LRRC56: variants seen among roughly 807,000 people sequenced by gnomAD.
LRRC56 encodes the protein leucine-rich repeat-containing protein 56.
In LRRC56, 41 loss-of-function variants were observed where a neutral mutation model predicts 47.8. That is an observed-to-expected ratio of 0.86 (90% CI 0.67 to 1.11). The LOEUF is 1.11. LRRC56 is among the 50% of genes most tolerant of loss of function. The probability of loss-of-function intolerance (pLI) is 0.00; values close to 1 mark genes in which losing one functional copy is unlikely to be tolerated. For synonymous variants in LRRC56, 387 were observed against 311.2 expected (o/e 1.24, Z -2.56); for missense variants, 759 against 704.2 (o/e 1.08, Z -0.88).
chr11:526,713 G>A, the LRRC56 span, among the ~76,000 whole-genome samples: 1 of 152,076 alleles, frequency 6.6e-6, no homozygotes, highest in Non-Finnish European at 1.5e-5. Flanking sequence ...CAGGTGGGTG[G>A]ATCACCTGAG....
At chr11:547,350 A>G (rs1852139229) in intron 6 of LRRC56, among the ~76,000 whole-genome samples, 1 of 150,566 alleles carries the variant, frequency 6.6e-6, no homozygotes, top group African/African-American at 2.4e-5. Flanking sequence ...AGCCTCTATT[A>G]TTTTGTGTTT....
At chr11:546,799 T>C (rs1297140444) in intron 6 of LRRC56, among the ~76,000 whole-genome samples, 1 of 151,616 alleles carries the variant, frequency 6.6e-6, no homozygotes, top group African/African-American at 2.4e-5. Context: ...ACACCTGTAA[T>C]CCCAACACTT....
At chr11:534,895 C>T (rs375973568), upstream of LRRC56, among the ~76,000 whole-genome samples, 1 of 152,220 alleles carries the variant, frequency 6.6e-6, no homozygotes, top group African/African-American at 2.4e-5. Flanking sequence ...CGGCGGGGAA[C>T]CGGGGGCATC....
At chr11:517,572 G>A in the LRRC56 span, among the ~76,000 whole-genome samples, 1 of 151,772 alleles carries the variant, frequency 6.6e-6, no homozygotes, top group Non-Finnish European at 1.5e-5. Flanking sequence ...CGTCCCATCT[G>A]GGGGGTGAGG....
chr11:540,342 C>G (rs1196218052), intron 3 of LRRC56, among the ~76,000 whole-genome samples: 1 of 152,208 alleles, frequency 6.6e-6, no homozygotes, highest in African/African-American at 2.4e-5. Context: ...CTCACAGCCC[C>G]TGTGGGCCTC....
At chr11:532,133 C>A in the LRRC56 span, 27 of 236,064 alleles carry the variant, frequency 1.1e-4, no homozygotes, top group South Asian at 3.9e-4. Context: ...TCCCAACCTC[C>A]CCCTCCCAAA....
the LRRC56 span, chr11:532,170 G>A: frequency 6.9e-6 from 2 of 291,830 alleles, no homozygotes; most frequent in African/African-American, 2.1e-5. Flanking sequence ...GGGCTGGACA[G>A]GCCTGAGGTT....
At chr11:529,943 G>A in the LRRC56 span, among the ~76,000 whole-genome samples, 1 of 152,162 alleles carries the variant, frequency 6.6e-6, no homozygotes, top group Non-Finnish European at 1.5e-5. Flanking sequence ...CGGCATGAGG[G>A]GGCTTCCGTG....
chr11:515,168 T>C, the LRRC56 span, among the ~76,000 whole-genome samples: 1 of 152,166 alleles, frequency 6.6e-6, no homozygotes. Context: ...GGGTCAGGTC[T>C]GTCGGCTGAG....
At chr11:542,580 CAAAAAAAAAAAAAAAA>C (rs71022928) in intron 5 of LRRC56, among the ~76,000 whole-genome samples, 1 of 26,008 alleles carries the variant, frequency 3.8e-5, no homozygotes, top group Non-Finnish European at 6.4e-5. Flanking sequence ...AACCCTGTCG[CAAAAAAAAAAAAAAAA>C]AAAAAAAACA....
the LRRC56 span, among the ~76,000 whole-genome samples, chr11:516,719 C>G: frequency 1.3e-5 from 2 of 152,308 alleles, no homozygotes; most frequent in East Asian, 1.9e-4. Context: ...CAGGAGGATT[C>G]TGAGCAACAT....
the LRRC56 span, among the ~76,000 whole-genome samples, chr11:516,034 C>A: frequency 6.6e-6 from 1 of 152,276 alleles, no homozygotes; most frequent in South Asian, 2.1e-4. Flanking sequence ...ATCCTCTATT[C>A]TGTTCCACTG....
chr11:522,968 CTG>C, the LRRC56 span, among the ~76,000 whole-genome samples: 1 of 152,072 alleles, frequency 6.6e-6, no homozygotes, highest in Non-Finnish European at 1.5e-5. Flanking sequence ...AAGCTGGTCT[CTG>C]TATATATTTT....
At chr11:523,491 TGTG>T in the LRRC56 span, among the ~76,000 whole-genome samples, 11 of 150,846 alleles carry the variant, frequency 7.3e-5, no homozygotes, top group Non-Finnish European at 1.5e-4. Context: ...ATTAGCCACG[TGTG>T]GTGGTGGGCA....
intron 5 of LRRC56, 25 bp from the exon 6 acceptor site, chr11:544,695 A>G (rs1174218474): frequency 3.7e-5 from 60 of 1,611,444 alleles, no homozygotes; most frequent in Non-Finnish European, 4.7e-5. Context: ...GGCCGGGCCA[A>G]CCTCCTCCTC....
At chr11:519,024 T>C in the LRRC56 span, among the ~76,000 whole-genome samples, 2 of 152,170 alleles carry the variant, frequency 1.3e-5, no homozygotes, top group African/African-American at 4.8e-5. Flanking sequence ...GGGAGGCTTC[T>C]CCGAAAGCCG....
chr11:532,571 A>T, upstream of LRRC56: 1 of 1,573,708 alleles, frequency 6.4e-7, no homozygotes, highest in East Asian at 2.3e-5. Context: ...GGAGACCGGC[A>T]GGGGCGGGGA....
the LRRC56 span, chr11:532,402 C>T: frequency 1.8e-5 from 11 of 619,584 alleles, no homozygotes; most frequent in East Asian, 8.4e-5. Context: ...CCTCGGCCCA[C>T]GGTCCCGGGG....
In LRRC56 at chr11:550,085, C is replaced by G; in HGVS notation, c.437C>G (p.Ser146Cys). 1 of 1,612,694 alleles carries G rather than the reference C, an allele frequency of 6.2e-7. No homozygotes were observed. The highest frequency in any genetic ancestry group is 8.5e-7 in the Non-Finnish European group (1 of 1,179,332). The change falls in exon 8 of 14, where the codon TCC (serine) becomes TGC (cysteine). Residue 146 changes from serine (S) to cysteine (C), a missense_variant. Transcript: ENST00000270115. ...SLPALKELYA[S>C]YNNISDLSPL... Reference sequence around the variant, plus strand: ...CGCGCTGCCCAGGAACTCTACGCCTCCTACAACAACATCTCGGACCTGAGC... The same window carrying G: ...CGCGCTGCCCAGGAACTCTACGCCTGCTACAACAACATCTCGGACCTGAGC...
Sources: allele counts gnomAD v4.1 joint callset (sites outside exome capture counted in the v4.1 genomes callset), GRCh38; gene constraint gnomAD v4.1.1; transcripts MANE v1.5; gene names NCBI Gene and HGNC (gene_info 2026-07-23, HGNC 2026-07-21).